OTULINL: variants seen among roughly 807,000 people sequenced by gnomAD.
OTULINL encodes inactive ubiquitin thioesterase OTULINL.
OTULINL carries 42 observed loss-of-function variants against 43.9 expected under a neutral mutation model. The ratio of observed to expected loss-of-function variants is 0.96; its 90% CI spans 0.75 to 1.24. OTULINL has a LOEUF of 1.24. Among genes scored for constraint, OTULINL ranks in the 50% most tolerant of loss-of-function variants. OTULINL has a pLI of 0.00. For synonymous variants in OTULINL, 172 were observed against 153.6 expected (o/e 1.12, Z -0.88); for missense variants, 411 against 426.4 (o/e 0.96, Z 0.32).
At chr5:14,583,784 T>C (rs1184956370) in intron 1 of OTULINL, among the ~76,000 whole-genome samples, 1 of 152,202 alleles carries the variant, frequency 6.6e-6, no homozygotes, top group African/African-American at 2.4e-5. Flanking sequence ...AAACCAGTTT[T>C]AAAATCAGTT....
At position 14,610,347 on chromosome 5, in the gene OTULINL, G is replaced by A; in HGVS notation, c.*33G>A. 6.3e-7 allele frequency: 1 copy of A among 1,599,440 alleles called. No individual in the cohort carries two copies. The highest frequency in any genetic ancestry group is 8.5e-7 in the Non-Finnish European group (1 of 1,172,242). ...GGGGGCCGAACAGCAGTGCTCACCA[G>A]TGACGGTGGTCACAGTTGCAATAAA... On this transcript the variant is annotated 3_prime_UTR_variant, in exon 8 of 8. Coordinates refer to ENST00000274217, the MANE Select transcript of OTULINL (RefSeq NM_019018.3).
intron 1 of OTULINL, among the ~76,000 whole-genome samples, chr5:14,599,550 A>G (rs2126778902): frequency 6.6e-6 from 1 of 152,304 alleles, no homozygotes; most frequent in South Asian, 2.1e-4. Flanking sequence ...TTTCTTTATA[A>G]GTGTAAATAT....
rs938734381 is a variant in OTULINL at position 14,613,111 on chromosome 5, A to G, written c.*2797A>G. On this transcript the variant is annotated 3_prime_UTR_variant, in exon 8 of 8. Coordinates refer to ENST00000274217, the MANE Select transcript of OTULINL (RefSeq NM_019018.3). ...CTAATTTTTTGTGTTTTTAGTAGAA[A>G]CGGGGTTTCACCATTTAGCCAGGCT... 5.3e-5 allele frequency among the ~76,000 whole-genome samples: 8 copies of G among 152,138 alleles called. No homozygotes were observed. The highest frequency in any genetic ancestry group is 1.9e-4 in the African/African-American group (8 of 41,418).
intron 1 of OTULINL, among the ~76,000 whole-genome samples, chr5:14,589,532 A>G (rs146274617): frequency 1.3e-5 from 2 of 152,326 alleles, no homozygotes; most frequent in East Asian, 1.9e-4. Context: ...GCTTGCCTGG[A>G]CTGAGAGATG....
At chr5:14,585,118 T>C (rs1265135233) in intron 1 of OTULINL, among the ~76,000 whole-genome samples, 1 of 152,034 alleles carries the variant, frequency 6.6e-6, no homozygotes, top group Non-Finnish European at 1.5e-5. Context: ...GTCTTTACTC[T>C]CTAGGAGGAG....
intron 1 of OTULINL, among the ~76,000 whole-genome samples, chr5:14,594,946 C>T (rs1466495974): frequency 2.0e-5 from 3 of 152,098 alleles, no homozygotes; most frequent in Non-Finnish European, 2.9e-5. Context: ...CTTCACCACT[C>T]TCTCTTCCAT....
In OTULINL at chr5:14,608,920, T is replaced by C. The variant is rs770276159; in HGVS notation, c.800T>C (p.Leu267Pro). 2 of 1,614,176 alleles carry C rather than the reference T, an allele frequency of 1.2e-6. No homozygotes were observed. The highest frequency in any genetic ancestry group is 8.5e-7 in the Non-Finnish European group (1 of 1,180,016). ...QMKTKKVIPS[L>P]FRLLFSRETS... is the part of the protein sequence containing the mutation. ...AAGACTAAAAAGGTCATTCCCAGTC[T>C]TTTTAGACTCCTGTTTTCCAGGGAG... The change falls in exon 7 of 8, where the codon CTT becomes CCT. Residue 267 changes from leucine to proline, a missense_variant. Leu to Pro is a moderately conservative substitution (Grantham distance 98). Transcript: ENST00000274217.
At chr5:14,591,513 T>A (rs572546497) in intron 1 of OTULINL, among the ~76,000 whole-genome samples, 8 of 152,086 alleles carry the variant, frequency 5.3e-5, no homozygotes, top group East Asian at 3.9e-4. Context: ...CATGCCATTT[T>A]AAAAAAATCT....
intron 1 of OTULINL, among the ~76,000 whole-genome samples, chr5:14,584,236 T>C (rs1214004639): frequency 1.3e-5 from 2 of 152,158 alleles, no homozygotes; most frequent in Non-Finnish European, 2.9e-5. Context: ...TAACTGTCTT[T>C]ATTGGCTCAG....
At chr5:14,609,437 G>T (rs1469416571) in intron 7 of OTULINL, among the ~76,000 whole-genome samples, 1 of 152,180 alleles carries the variant, frequency 6.6e-6, no homozygotes, top group African/African-American at 2.4e-5. Context: ...CTCTAGAAAA[G>T]AGTTTCTTTT....
intron 5 of OTULINL, among the ~76,000 whole-genome samples, chr5:14,603,172 G>A (rs1210184185): frequency 6.6e-6 from 1 of 152,108 alleles, no homozygotes; most frequent in Non-Finnish European, 1.5e-5. Flanking sequence ...CTTTTTTATT[G>A]TTGAGTGGTA....
Position 14,612,495 on chromosome 5 carries a change from T to C in OTULINL, c.*2181T>C, listed in dbSNP as rs958891981. On this transcript the variant is annotated 3_prime_UTR_variant, in exon 8 of 8. Coordinates refer to ENST00000274217, the MANE Select transcript of OTULINL (RefSeq NM_019018.3). ...GAGAAAGATTTCAATCCAGTGAAAG[T>C]AAAAAGTAAGAAGACATTTAGATAG... 3 of 152,196 alleles carry C rather than the reference T, an allele frequency of 2.0e-5. No homozygotes were observed. The highest frequency in any genetic ancestry group is 4.4e-5 in the Non-Finnish European group (3 of 68,026). The allele number at this position is 152,196 out of a possible 1,614,324, so 9.4% of individuals were successfully genotyped here. A position where few individuals can be genotyped will look rare whatever the true frequency, so the allele number is the denominator to read the frequency against.
Position 14,614,745 on chromosome 5 carries a change from G to A in OTULINL, c.*4431G>A, listed in dbSNP as rs898347762. The A allele has an allele frequency of 2.5e-6, 1 of 398,540 alleles. No individual in the cohort carries two copies. The highest frequency in any genetic ancestry group is 4.4e-6 in the Non-Finnish European group (1 of 226,092). 24.7% of individuals were successfully genotyped at this position (398,540 alleles called of 1,614,324 possible). A position where few individuals can be genotyped will look rare whatever the true frequency, so the allele number is the denominator to read the frequency against. On this transcript the variant is annotated 3_prime_UTR_variant, in exon 8 of 8. Transcript: ENST00000274217. ...CATGTGGGAACAGTGTGGCCCAAGAGCCAGCATGGAGGAGGGCTGTGTGAG... is the reference window on the plus strand; with the variant it reads ...CATGTGGGAACAGTGTGGCCCAAGAACCAGCATGGAGGAGGGCTGTGTGAG...
chr5:14,600,349 A>G (rs1759363607), intron 1 of OTULINL, among the ~76,000 whole-genome samples: 1 of 152,216 alleles, frequency 6.6e-6, no homozygotes, highest in African/African-American at 2.4e-5. Flanking sequence ...TCTTTCCTTT[A>G]TAAATTACCC....
intron 6 of OTULINL, 128 bp downstream of exon 6, chr5:14,607,586 C>G (rs1410040869): frequency 8.9e-7 from 1 of 1,118,402 alleles, no homozygotes; most frequent in Non-Finnish European, 1.3e-6. Flanking sequence ...AGAAATGCTT[C>G]TAGTAACTGA....
intron 1 of OTULINL, among the ~76,000 whole-genome samples, chr5:14,592,409 C>T (rs1383490059): frequency 2.6e-5 from 4 of 152,208 alleles, no homozygotes; most frequent in Non-Finnish European, 5.9e-5. Flanking sequence ...TCAGAGGGCA[C>T]AGCTCTACAT....
At chr5:14,589,401 G>A (rs890825356) in intron 1 of OTULINL, among the ~76,000 whole-genome samples, 8 of 152,172 alleles carry the variant, frequency 5.3e-5, no homozygotes, top group African/African-American at 1.4e-4. Flanking sequence ...GGAGGCAGGC[G>A]TGAGCTCTAG....
chr5:14,588,257 G>C (rs1202109058), intron 1 of OTULINL, among the ~76,000 whole-genome samples: 1 of 152,060 alleles, frequency 6.6e-6, no homozygotes, highest in African/African-American at 2.4e-5. Context: ...AAAATAAGGA[G>C]GCCTTTGGAG....
chr5:14,589,902 A>C (rs1424657390), intron 1 of OTULINL, among the ~76,000 whole-genome samples: 1 of 152,128 alleles, frequency 6.6e-6, no homozygotes, highest in Non-Finnish European at 1.5e-5. Flanking sequence ...GGATCATGCC[A>C]CTGCACTCCA....
Sources: allele counts gnomAD v4.1 joint callset (sites outside exome capture counted in the v4.1 genomes callset), GRCh38; gene constraint gnomAD v4.1.1; transcripts MANE v1.5; gene names NCBI Gene and HGNC (gene_info 2026-07-23, HGNC 2026-07-21).